GABRR2: variants seen among roughly 807,000 people sequenced by gnomAD.
GABRR2 encodes gamma-aminobutyric acid receptor subunit rho-2.
GABRR2 carries 36 observed loss-of-function variants against 47.0 expected under a neutral mutation model. That is an observed-to-expected ratio of 0.77 (90% confidence interval 0.59 to 1.01). The LOEUF (loss-of-function observed/expected upper bound fraction) is 1.01. Among genes scored for constraint, GABRR2 ranks in the 50% least tolerant of loss-of-function variants. The pLI is 0.00. For synonymous variants in GABRR2, 204 were observed against 227.5 expected, an observed-to-expected ratio of 0.90 and a Z score of 0.93; for missense variants, 587 against 594.6, an observed-to-expected ratio of 0.99 and a Z score of 0.13.
chr6:89,269,302 C>G, intron 3 of GABRR2, 68 bp from the exon 4 acceptor site: 1 of 1,161,004 alleles, frequency 8.6e-7, no homozygotes, highest in Non-Finnish European at 1.3e-6. Context: ...ATCAACCCAC[C>G]ATTCACTACT....
At chr6:89,296,080 G>A (rs1460347794) in intron 2 of GABRR2, among the ~76,000 whole-genome samples, 1 of 152,168 alleles carries the variant, frequency 6.6e-6, no homozygotes, top group Non-Finnish European at 1.5e-5. Context: ...TCCAGGGAAT[G>A]AGACACCTTC....
At chr6:89,302,470 A>G (rs1366938663) in intron 1 of GABRR2, 4 of 627,380 alleles carry the variant, frequency 6.4e-6, no homozygotes, top group African/African-American at 5.5e-5. Flanking sequence ...ATTGGCCACC[A>G]TGAGCAGGAT....
chr6:89,277,624 C>T (rs1442825122), intron 2 of GABRR2, among the ~76,000 whole-genome samples: 1 of 52,282 alleles, frequency 1.9e-5, no homozygotes, highest in Admixed American at 2.3e-4. Context: ...AACAAAAACA[C>T]ACATGTACCT....
At chr6:89,300,677 G>T (rs1185883854) in intron 1 of GABRR2, among the ~76,000 whole-genome samples, 1 of 131,296 alleles carries the variant, frequency 7.6e-6, no homozygotes, top group Non-Finnish European at 1.6e-5. Context: ...GGAAGAAATT[G>T]ATTCCTTGAA....
At chr6:89,266,661 C>T (rs747847022) in intron 6 of GABRR2, among the ~76,000 whole-genome samples, 8 of 152,192 alleles carry the variant, frequency 5.3e-5, no homozygotes, top group Non-Finnish European at 1.2e-4. Context: ...GTGTACAGTT[C>T]ACTGGCACTA....
At chr6:89,273,777 A>G (rs1029091911) in intron 2 of GABRR2, among the ~76,000 whole-genome samples, 1 of 152,188 alleles carries the variant, frequency 6.6e-6, no homozygotes, top group African/African-American at 2.4e-5. Flanking sequence ...ACCCTTCATT[A>G]GTCTGAGGTG....
intron 2 of GABRR2, among the ~76,000 whole-genome samples, chr6:89,292,945 C>T (rs1276638468): frequency 6.6e-6 from 1 of 150,814 alleles, no homozygotes; most frequent in Non-Finnish European, 1.5e-5. Context: ...AGCAATCCCA[C>T]TTCTGGGTAT....
intron 2 of GABRR2, among the ~76,000 whole-genome samples, chr6:89,276,110 T>C (rs1774155038): frequency 6.8e-6 from 1 of 147,684 alleles, no homozygotes; most frequent in South Asian, 2.1e-4. Context: ...TTATATACAT[T>C]ATAAATCATT....
intron 2 of GABRR2, among the ~76,000 whole-genome samples, chr6:89,290,015 G>A (rs1230692169): frequency 6.6e-6 from 1 of 152,162 alleles, no homozygotes; most frequent in Non-Finnish European, 1.5e-5. Context: ...TCTTGAGAGT[G>A]AGAACTCACT....
rs190533718 is a variant in GABRR2, at chr6:89,311,857, C to T, written c.113+3196G>A. On this transcript the variant is annotated intron_variant, in intron 1 of 8. Coordinates refer to ENST00000402938, the MANE Select transcript of GABRR2 (RefSeq NM_002043.5). ...AGAGAGCAGGAAACATGGCCACATA[C>T]GCTAGATGGCGGCAGAACCAAGGTC... is the stretch of plus-strand genomic sequence containing the variant. Among the ~76,000 whole-genome samples the T allele has an allele frequency of 3.9e-5, 6 of 152,282 alleles. No homozygotes were observed. The East Asian group carries it at 5.8e-4, about 15-fold the overall frequency.
At chr6:89,301,280 C>A (rs1316823814) in intron 1 of GABRR2, among the ~76,000 whole-genome samples, 1 of 152,126 alleles carries the variant, frequency 6.6e-6, no homozygotes, top group Non-Finnish European at 1.5e-5. Flanking sequence ...ACTAAATGGG[C>A]AAATGCTGGA....
At chr6:89,259,423 C>T (rs1265443478) in intron 8 of GABRR2, among the ~76,000 whole-genome samples, 1 of 151,616 alleles carries the variant, frequency 6.6e-6, no homozygotes, top group Non-Finnish European at 1.5e-5. Flanking sequence ...GGTTTGGGGG[C>T]TATTTTTTTT....
chr6:89,260,475 T>C (rs931630036), intron 8 of GABRR2, among the ~76,000 whole-genome samples: 3 of 152,172 alleles, frequency 2.0e-5, no homozygotes, highest in African/African-American at 7.2e-5. Flanking sequence ...TCAGACAAGG[T>C]CTGGCTAATC....
intron 1 of GABRR2, chr6:89,301,943 C>T (rs913261539): frequency 1.0e-5 from 10 of 976,462 alleles, no homozygotes; most frequent in African/African-American, 6.4e-5. Context: ...TACAACGAGG[C>T]CTCTTCTCAT....
At chr6:89,267,622 A>G in intron 6 of GABRR2, 57 bp downstream of exon 6, 1 of 1,522,482 alleles carries the variant, frequency 6.6e-7, no homozygotes, top group South Asian at 1.2e-5. Flanking sequence ...AGGCTGAAGA[A>G]GAATTCAAAT....
intron 1 of GABRR2, chr6:89,301,974 T>G (rs2127848008): frequency 2.5e-6 from 2 of 810,700 alleles, no homozygotes; most frequent in South Asian, 2.9e-5. Context: ...CTCGGGCCAT[T>G]CGTCGACCTG....
intron 1 of GABRR2, among the ~76,000 whole-genome samples, chr6:89,303,755 A>G (rs1296510021): frequency 6.6e-6 from 1 of 152,138 alleles, no homozygotes; most frequent in Non-Finnish European, 1.5e-5. Context: ...TGGTACAAAA[A>G]CAGGCACATA....
intron 2 of GABRR2, among the ~76,000 whole-genome samples, chr6:89,287,452 A>T (rs1305423566): frequency 6.6e-6 from 1 of 152,214 alleles, no homozygotes; most frequent in Non-Finnish European, 1.5e-5. Context: ...AGCTGTGTCG[A>T]GAAGGCACAG....
intron 1 of GABRR2, among the ~76,000 whole-genome samples, chr6:89,304,542 T>C (rs2127849105): frequency 6.8e-6 from 1 of 147,958 alleles, no homozygotes; most frequent in African/African-American, 2.5e-5. Flanking sequence ...TGAGCTGAGA[T>C]CGTGCCACTA....
Sources: allele counts gnomAD v4.1 joint callset (sites outside exome capture counted in the v4.1 genomes callset), GRCh38; gene constraint gnomAD v4.1.1; transcripts MANE v1.5; gene names NCBI Gene and HGNC (gene_info 2026-07-23, HGNC 2026-07-21).